The following EYS variants were observed in gnomAD, a reference collection of about 807,000 sequenced individuals.
The protein encoded by EYS is EGF-like photoreceptor maintenance factor, also known as protein eyes shut homolog.
In EYS, 250 loss-of-function variants were observed where a neutral mutation model predicts 282.1. The ratio of observed to expected loss-of-function variants is 0.89; its 90% CI spans 0.80 to 0.98. EYS has a LOEUF of 0.98. Ranked by LOEUF, EYS falls within the 50% of genes least tolerant of loss-of-function variation. EYS has a pLI of 0.00. For synonymous variants in EYS, 1,355 were observed against 1,282.9 expected (o/e 1.06, Z -1.20); for missense variants, 4,016 against 3,709.0 (o/e 1.08, Z -2.15).
At chr6:65,434,120 A>C (rs946830816) in intron 5 of EYS, among the ~76,000 whole-genome samples, 2 of 152,170 alleles carry the variant, frequency 1.3e-5, no homozygotes, top group African/African-American at 2.4e-5. Context: ...AGCAATGTGG[A>C]GGAGTGAATA....
intron 29 of EYS, among the ~76,000 whole-genome samples, chr6:64,383,079 G>C (rs1440550997): frequency 6.6e-6 from 1 of 152,090 alleles, no homozygotes; most frequent in East Asian, 1.9e-4. Flanking sequence ...CTTGAGCTCA[G>C]GAGTTTGAGA....
chr6:65,591,410 C>CT (rs1372371518), intron 2 of EYS, among the ~76,000 whole-genome samples: 3 of 151,632 alleles, frequency 2.0e-5, no homozygotes, highest in Admixed American at 6.6e-5. Context: ...CTCATAATGC[C>CT]TTTCCATAAT....
chr6:65,516,691 A>C (rs2127295097), intron 2 of EYS, among the ~76,000 whole-genome samples: 1 of 152,194 alleles, frequency 6.6e-6, no homozygotes, highest in South Asian at 2.1e-4. Context: ...CGAAATTAGT[A>C]CAAATATTTA....
chr6:65,306,917 G>T (rs1253949463), intron 11 of EYS, among the ~76,000 whole-genome samples: 1 of 142,656 alleles, frequency 7.0e-6, no homozygotes, highest in Non-Finnish European at 1.5e-5. Context: ...TTTTGCCAGG[G>T]AGTTAAGTTA....
intron 29 of EYS, among the ~76,000 whole-genome samples, chr6:64,366,453 A>C (rs947843768): frequency 1.3e-5 from 2 of 152,050 alleles, no homozygotes; most frequent in African/African-American, 4.8e-5. Flanking sequence ...GTAAGCAAAT[A>C]AATTTTATCT....
At chr6:65,400,480 T>G (rs1582242249) in intron 7 of EYS, among the ~76,000 whole-genome samples, 1 of 152,064 alleles carries the variant, frequency 6.6e-6, no homozygotes, top group East Asian at 1.9e-4. Context: ...CTTTTGATAC[T>G]TTACAACTCC....
chr6:65,306,202 C>T (rs895411651), intron 11 of EYS, among the ~76,000 whole-genome samples: 1 of 152,188 alleles, frequency 6.6e-6, no homozygotes, highest in Non-Finnish European at 1.5e-5. Context: ...ATCTGACCCC[C>T]ACCTGTCATG....
intron 2 of EYS, among the ~76,000 whole-genome samples, chr6:65,510,520 T>A (rs148861178): frequency 1.5e-4 from 23 of 152,288 alleles, no homozygotes; most frequent in Non-Finnish European, 2.5e-4. Context: ...TGATTCACAC[T>A]TTTGATTAAT....
intron 31 of EYS, among the ~76,000 whole-genome samples, chr6:64,119,260 T>C (rs1773492234): frequency 3.3e-5 from 5 of 152,162 alleles, no homozygotes; most frequent in Admixed American, 3.3e-4. Flanking sequence ...AACCATTTTA[T>C]TGAGTATTTT....
chr6:64,421,187 A>G (rs1439885181), intron 28 of EYS, among the ~76,000 whole-genome samples: 1 of 152,210 alleles, frequency 6.6e-6, no homozygotes, highest in Admixed American at 6.5e-5. Context: ...TGGGAGGGGA[A>G]GTAAACATGT....
intron 30 of EYS, among the ~76,000 whole-genome samples, chr6:64,296,589 TATATATA>T (rs1769027461): frequency 2.3e-4 from 1 of 4,408 alleles, no homozygotes; most frequent in African/African-American, 7.8e-4. Flanking sequence ...TATATACATA[TATATATA>T]TATTTTTTTT....
At chr6:65,344,248 C>A in intron 9 of EYS, 71 bp from the exon 10 acceptor site, 1 of 1,259,078 alleles carries the variant, frequency 7.9e-7, no homozygotes, top group Non-Finnish European at 1.1e-6. Context: ...TTATTAAGGA[C>A]TGTGGTCAAA....
intron 31 of EYS, among the ~76,000 whole-genome samples, chr6:64,176,755 A>G (rs1473759037): frequency 6.6e-6 from 1 of 152,070 alleles, no homozygotes. Flanking sequence ...TTTGTTTCTG[A>G]TAACTAATTT....
chr6:64,792,625 C>G (rs1300782435), intron 22 of EYS, among the ~76,000 whole-genome samples: 1 of 151,866 alleles, frequency 6.6e-6, no homozygotes, highest in African/African-American at 2.4e-5. Flanking sequence ...ACCTAAAACT[C>G]CAAAGCACAG....
intron 37 of EYS, among the ~76,000 whole-genome samples, chr6:63,801,854 C>T (rs771935494): frequency 2.0e-5 from 3 of 152,126 alleles, no homozygotes; most frequent in Non-Finnish European, 4.4e-5. Context: ...TCAGTGTTGT[C>T]CCCTTGCTTT....
chr6:64,766,564 G>A (rs1278207193), intron 22 of EYS, among the ~76,000 whole-genome samples: 53 of 140,846 alleles, frequency 3.8e-4, no homozygotes, highest in Non-Finnish European at 1.4e-4. Flanking sequence ...CCTGAGAGAC[G>A]GAGTTTGCAG....
intron 30 of EYS, among the ~76,000 whole-genome samples, chr6:64,243,956 T>G (rs1310582749): frequency 6.6e-6 from 1 of 152,112 alleles, no homozygotes; most frequent in Non-Finnish European, 1.5e-5. Context: ...CTTGTGACCA[T>G]TGTGAGTTCA....
chr6:65,226,694 C>T (rs1164765660), intron 12 of EYS, among the ~76,000 whole-genome samples: 9 of 152,052 alleles, frequency 5.9e-5, no homozygotes, highest in Non-Finnish European at 8.8e-5. Flanking sequence ...ATAGCGAGAC[C>T]GCTGTGGAAA....
intron 2 of EYS, among the ~76,000 whole-genome samples, chr6:65,588,327 A>G (rs1207065496): frequency 6.6e-6 from 1 of 152,088 alleles, no homozygotes; most frequent in Non-Finnish European, 1.5e-5. Context: ...TATAAAATCT[A>G]ACAGGCTAAC....
Sources: allele counts gnomAD v4.1 joint callset (sites outside exome capture counted in the v4.1 genomes callset), GRCh38; gene constraint gnomAD v4.1.1; transcripts MANE v1.5; gene names NCBI Gene and HGNC (gene_info 2026-07-23, HGNC 2026-07-21).